The following NBPF15 variants were observed in gnomAD, a reference collection of about 807,000 sequenced individuals.
NBPF15 encodes NBPF member 15, also known as NBPF family member NBPF15.
Under a neutral mutation model 62.2 loss-of-function variants are expected in NBPF15, and 74 were observed. The ratio of observed to expected loss-of-function variants is 1.19; its 90% CI spans 0.99 to 1.44. NBPF15 has a LOEUF of 1.44. NBPF15 is among the 40% of genes most tolerant of loss of function. NBPF15 has a pLI of 0.00. For missense variants in NBPF15, 790 were observed against 550.0 expected, an observed-to-expected ratio of 1.44 and a Z score of -4.36; for synonymous variants, 244 against 209.7, an observed-to-expected ratio of 1.16 and a Z score of -1.41.
chr1:144,455,933 C>T (rs1190238195), intron 4 of NBPF15, among the ~76,000 whole-genome samples: 67 of 152,072 alleles, frequency 4.4e-4, no homozygotes, highest in African/African-American at 1.6e-3. Context: ...AAGAATTCCA[C>T]TGTGGCCCAT....
intron 5 of NBPF15, among the ~76,000 whole-genome samples, chr1:144,449,497 G>T (rs587656324): frequency 6.6e-6 from 1 of 151,138 alleles, no homozygotes; most frequent in Non-Finnish European, 1.5e-5. Context: ...CCATGGAATG[G>T]CTAAAGGAAC....
chr1:144,422,813 G>T lies in NBPF15; in HGVS notation c.*200C>A. ...GCATGTTCTGCACAGTTATGTGAACGTGTCACACCTAACATGGGTCCATTG... is the reference window on the plus strand; with the variant it reads ...GCATGTTCTGCACAGTTATGTGAACTTGTCACACCTAACATGGGTCCATTG... On this transcript the variant is annotated 3_prime_UTR_variant, in exon 22 of 22. Transcript: ENST00000581897. 2.3e-6 allele frequency: 3 copies of T among 1,319,030 alleles called. No homozygotes were observed. Among genetic ancestry groups the T allele is most frequent in the Non-Finnish European group, 3.1e-6 (3 of 958,194 alleles). The allele number at this position is 1,319,030 out of a possible 1,614,324, so 81.7% of individuals were successfully genotyped here. A position where few individuals can be genotyped will look rare whatever the true frequency, so the allele number is the denominator to read the frequency against.
At position 144,443,547 on chromosome 1, in the gene NBPF15, T is replaced by G. The variant is rs1685075023; in HGVS notation, c.-190-3252A>C. 2.6e-5 allele frequency among the ~76,000 whole-genome samples: 4 copies of G among 151,894 alleles called. No individual in the cohort carries two copies. The South Asian group carries it at 8.3e-4, about 32-fold the overall frequency. ...GATGTAATATGCTAACAAAATTGAG[T>G]CTTCCAATCAATGAACATGATATAT... On this transcript the variant is annotated intron_variant, in intron 6 of 21. Coordinates refer to ENST00000581897, the MANE Select transcript of NBPF15 (RefSeq NM_001385408.1).
rs1392378386 is a variant in NBPF15 at position 144,435,450 on chromosome 1, A to C, written c.567-134T>G. The C allele has an allele frequency of 5.7e-6, 8 of 1,408,346 alleles. No individual in the cohort carries two copies. In the East Asian group the frequency reaches 1.8e-4, roughly 32 times the overall value. 87.2% of individuals were successfully genotyped at this position (1,408,346 alleles called of 1,614,324 possible). On this transcript the variant is annotated intron_variant, in intron 11 of 21. Coordinates refer to ENST00000581897, the MANE Select transcript of NBPF15 (RefSeq NM_001385408.1). Reference sequence around the variant, plus strand: ...AAGCAAAATGGACGTTCCCATTAAGAGGGAACATGCAATCCTGTTCTCTCT... The same window carrying C: ...AAGCAAAATGGACGTTCCCATTAAGCGGGAACATGCAATCCTGTTCTCTCT...
chr1:144,458,877 A>C (rs1650222812), intron 3 of NBPF15, among the ~76,000 whole-genome samples: 1 of 151,786 alleles, frequency 6.6e-6, no homozygotes, highest in Non-Finnish European at 1.5e-5. Context: ...CAATCTCTAC[A>C]AAAAATATGA....
intron 6 of NBPF15, among the ~76,000 whole-genome samples, chr1:144,445,383 G>T (rs1387978271): frequency 8.1e-6 from 1 of 123,112 alleles, no homozygotes; most frequent in Non-Finnish European, 1.7e-5. Flanking sequence ...ACACACACAC[G>T]TTTGTGTGTG....
intron 6 of NBPF15, chr1:144,442,531 C>T (rs1236452158): frequency 2.6e-5 from 4 of 151,436 alleles, no homozygotes; most frequent in East Asian, 2.0e-4. Flanking sequence ...CTCCCCCACC[C>T]GCCAGCCCAG....
intron 3 of NBPF15, among the ~76,000 whole-genome samples, chr1:144,458,117 T>A (rs1649560123): frequency 6.6e-6 from 1 of 151,922 alleles, no homozygotes; most frequent in African/African-American, 2.4e-5. Flanking sequence ...TTCGATGTAG[T>A]CCTAAAACTA....
chr1:144,428,206 C>G (rs1448102776), intron 15 of NBPF15, among the ~76,000 whole-genome samples: 8 of 151,374 alleles, frequency 5.3e-5, no homozygotes, highest in Admixed American at 4.6e-4. Flanking sequence ...CACACACACA[C>G]ACACACAGAG....
At chr1:144,452,423 A>T (rs1226922920) in intron 4 of NBPF15, among the ~76,000 whole-genome samples, 2 of 151,898 alleles carry the variant, frequency 1.3e-5, no homozygotes, top group Admixed American at 1.3e-4. Context: ...AGTCCACTAT[A>T]TAAAGTCCCA....
In NBPF15 at chr1:144,423,248, C is replaced by A. The variant is rs782407700; in HGVS notation, c.1778G>T (p.Gly593Val). 1.9e-5 allele frequency: 31 copies of A among 1,611,350 alleles called. No individual in the cohort carries two copies. Among genetic ancestry groups the A allele is most frequent in the Non-Finnish European group, 2.4e-5 (28 of 1,179,584 alleles). Residue 593 changes from glycine to valine, a missense_variant, in exon 22 of 22, where the codon GGC (glycine) becomes GTC (valine). By Grantham distance (109) the Gly-to-Val change is moderately radical. Coordinates refer to ENST00000581897, the MANE Select transcript of NBPF15 (RefSeq NM_001385408.1). ...AGGCTCTTCCACTTCCATCAGCACG[C>A]CGTAGAGCCTGGAAAAGGAGACAAA... Reference protein sequence around the residue: ...DDNPPCPRLYGVLMEVEEPEV... With the variant: ...DDNPPCPRLYVVLMEVEEPEV...
chr1:144,452,182 G>A lies in NBPF15; in HGVS notation c.-431-1312C>T, dbSNP rs182324084. 5.3e-5 allele frequency among the ~76,000 whole-genome samples: 8 copies of A among 151,856 alleles called. 1 individual carries two copies. Among genetic ancestry groups the A allele is most frequent in the East Asian group, 1.9e-4 (1 of 5,164 alleles). ...AAAAAAGATAAAATAAAATAAAGAC[G>A]GTTCACTACTTCAAATATTATTATG... On this transcript the variant is annotated intron_variant, in intron 4 of 21. Transcript: ENST00000581897.
In NBPF15 at chr1:144,423,885, T is replaced by G. The variant is rs1477014074; in HGVS notation, c.1754A>C (p.Asn585Thr). 3.0e-5 allele frequency: 23 copies of G among 779,476 alleles called. No homozygotes were observed. In the East Asian group the frequency reaches 5.6e-4, roughly 19 times the overall value. 48.3% of individuals were successfully genotyped at this position (779,476 alleles called of 1,614,324 possible). ...RRGRKEGEDDNPPCPRLYGVL... is the reference protein window; with the variant it reads ...RRGRKEGEDDTPPCPRLYGVL... ...TGAAAGTTACCTGGGGCATGGTGGG[T>G]TGTCATCTTCCCCTTCTTTTCTTCC... Residue 585 changes from asparagine (N) to threonine (T), a missense_variant, in exon 21 of 22, where the codon AAC (asparagine) becomes ACC (threonine). Asn to Thr is a moderately conservative substitution (Grantham distance 65). Coordinates refer to ENST00000581897, the MANE Select transcript of NBPF15 (RefSeq NM_001385408.1).
chr1:144,454,878 G>T (rs1693388784), intron 4 of NBPF15, among the ~76,000 whole-genome samples: 2 of 147,750 alleles, frequency 1.4e-5, no homozygotes, highest in Admixed American at 1.4e-4. Context: ...CAGAGGAGGA[G>T]GAGGCTGGGA....
At position 144,439,520 on chromosome 1, in the gene NBPF15, TAC is replaced by T. The variant is rs1681276198; in HGVS notation, c.175+307_175+308del. ...TATTTGTCTGCAGGATCTTATATGG[TAC>T]AGAGAGGATTCTTGAAAACATGATT... On this transcript the variant is annotated intron_variant, in intron 8 of 21. Transcript: ENST00000581897. Among the ~76,000 whole-genome samples, 3 of 152,152 alleles carry T rather than the reference TAC, an allele frequency of 2.0e-5. No individual in the cohort carries two copies. The South Asian group carries it at 6.2e-4, about 32-fold the overall frequency.
intron 6 of NBPF15, among the ~76,000 whole-genome samples, chr1:144,446,641 C>T (rs1553544132): frequency 1.3e-5 from 2 of 152,004 alleles, no homozygotes; most frequent in East Asian, 3.9e-4. Flanking sequence ...TTTTATAAAT[C>T]ATGAAAAAAG....
intron 9 of NBPF15, 122 bp from the exon 10 acceptor site, chr1:144,437,231 T>A (rs1553541488): frequency 4.1e-6 from 4 of 987,440 alleles, no homozygotes; most frequent in East Asian, 4.8e-5. Context: ...GGTCAGCACA[T>A]GTTTAAAGGA....
Position 144,427,940 on chromosome 1 carries a change from G to T in NBPF15, c.1091C>A (p.Ser364Ter), listed in dbSNP as rs1553539618. The change falls in exon 16 of 22, where the codon TCA (serine) becomes TAA (stop). Residue 364 changes from serine to a stop codon, truncating the protein, a stop_gained. Coordinates refer to ENST00000581897, the MANE Select transcript of NBPF15 (RefSeq NM_001385408.1). LOFTEE classifies it high-confidence loss of function. ...DEKEPEVLQD[S>*]LDRCYSTPSG... Reference sequence around the variant, plus strand: ...AGGAGTTGAATAACATCTATCCAGTGAGTCCTGCAAGACTTCAGGCTCTTT... The same window carrying T: ...AGGAGTTGAATAACATCTATCCAGTTAGTCCTGCAAGACTTCAGGCTCTTT... 1.3e-6 allele frequency: 1 copy of T among 771,612 alleles called. No individual in the cohort carries two copies. The highest frequency in any genetic ancestry group is 2.4e-6 in the Non-Finnish European group (1 of 418,240). 47.8% of individuals were successfully genotyped at this position (771,612 alleles called of 1,614,324 possible).
chr1:144,435,923 G>T, intron 10 of NBPF15, 70 bp from the exon 11 acceptor site: 1 of 688,938 alleles, frequency 1.5e-6, no homozygotes, highest in Non-Finnish European at 2.6e-6. Flanking sequence ...AGCCCAATGT[G>T]CAACAGAGAC....
Sources: allele counts gnomAD v4.1 joint callset (sites outside exome capture counted in the v4.1 genomes callset), GRCh38; gene constraint gnomAD v4.1.1; transcripts MANE v1.5; gene names NCBI Gene and HGNC (gene_info 2026-07-23, HGNC 2026-07-21).